NXPE4: variants seen among roughly 807,000 people sequenced by gnomAD.
NXPE4 encodes the protein neurexophilin and PC-esterase domain family member 4.
A neutral mutation model predicts 33.3 loss-of-function variants in NXPE4; 42 were observed. The observed-to-expected ratio is 1.26, with a 90% CI of 0.98 to 1.63. The LOEUF is 1.63. Among genes scored for constraint, NXPE4 ranks in the 40% most tolerant of loss-of-function variants. The probability of loss-of-function intolerance (pLI) is 0.00; values close to 1 mark genes in which losing one functional copy is unlikely to be tolerated. For missense variants in NXPE4, 709 were observed against 647.6 expected (o/e 1.09, Z -1.03); for synonymous variants, 253 against 234.9 (o/e 1.08, Z -0.71).
the NXPE4 span, among the ~76,000 whole-genome samples, chr11:114,635,043 A>G: frequency 1.3e-5 from 2 of 151,940 alleles, no homozygotes; most frequent in Admixed American, 6.6e-5. Flanking sequence ...GAGTCTATAA[A>G]TTACCTTGGG....
At chr11:114,575,310 A>G (rs1038256581) in intron 5 of NXPE4, among the ~76,000 whole-genome samples, 1 of 151,978 alleles carries the variant, frequency 6.6e-6, no homozygotes, top group East Asian at 1.9e-4. Flanking sequence ...CTCACCACCT[A>G]TCTTCAACAT....
intron 2 of NXPE4, chr11:114,583,373 T>G (rs1949202311): frequency 1.6e-6 from 1 of 623,188 alleles, no homozygotes; most frequent in Non-Finnish European, 3.1e-6. Context: ...GACTCATAAT[T>G]TGCTGCTCAA....
the NXPE4 span, among the ~76,000 whole-genome samples, chr11:114,648,956 T>A: frequency 3.5e-4 from 50 of 141,312 alleles, no homozygotes; most frequent in Admixed American, 1.1e-3. Context: ...AACAAAAAAA[T>A]ATTTGCTTTT....
chr11:114,659,928 AAGAG>A, the NXPE4 span, among the ~76,000 whole-genome samples: 22 of 152,106 alleles, frequency 1.4e-4, no homozygotes, highest in Non-Finnish European at 1.5e-5. Flanking sequence ...GATGACTAAA[AAGAG>A]AGAAGGCACA....
the NXPE4 span, among the ~76,000 whole-genome samples, chr11:114,618,168 C>A: frequency 6.6e-6 from 1 of 151,724 alleles, no homozygotes; most frequent in Non-Finnish European, 1.5e-5. Flanking sequence ...TCGTGGGTAA[C>A]CATTGGTACC....
chr11:114,650,457 G>C, the NXPE4 span, among the ~76,000 whole-genome samples: 1 of 152,156 alleles, frequency 6.6e-6, no homozygotes, highest in Non-Finnish European at 1.5e-5. Context: ...ATTTGGTGCA[G>C]GCATGAAGGA....
At chr11:114,620,392 C>G in the NXPE4 span, among the ~76,000 whole-genome samples, 1 of 151,984 alleles carries the variant, frequency 6.6e-6, no homozygotes, top group Non-Finnish European at 1.5e-5. Flanking sequence ...TGGGTAACCA[C>G]TGTTACCCAT....
Position 114,594,732 on chromosome 11 carries a change from A to T in NXPE4, c.28T>A (p.Ser10Thr). 9 of 1,589,074 alleles carry T rather than the reference A, an allele frequency of 5.7e-6. No homozygotes were observed. Among genetic ancestry groups the T allele is most frequent in the Non-Finnish European group, 7.7e-6 (9 of 1,161,310 alleles). Residue 10 changes from serine (S) to threonine (T), a missense_variant, in exon 2 of 6, where the codon TCA becomes ACA. Ser to Thr is a moderately conservative substitution (Grantham distance 58, BLOSUM62 1). Transcript: ENST00000375478. MKISMINYK[S>T]LLALLFILAS... Reference sequence around the variant, plus strand: ...AATATAAACAACAGTGCCAATAGTGACTTATAATTTATCATACTTATTTTC... The same window carrying T: ...AATATAAACAACAGTGCCAATAGTGTCTTATAATTTATCATACTTATTTTC...
the NXPE4 span, among the ~76,000 whole-genome samples, chr11:114,659,788 C>T: frequency 1.3e-5 from 2 of 151,848 alleles, no homozygotes; most frequent in African/African-American, 4.8e-5. Context: ...ACAAATTAAA[C>T]CCAAAGTAAG....
the NXPE4 span, among the ~76,000 whole-genome samples, chr11:114,633,132 T>G: frequency 8.0e-6 from 1 of 124,468 alleles, no homozygotes; most frequent in Non-Finnish European, 1.6e-5. Flanking sequence ...AATTTATATT[T>G]CATATATTAT....
At chr11:114,633,401 T>C in the NXPE4 span, among the ~76,000 whole-genome samples, 1 of 145,496 alleles carries the variant, frequency 6.9e-6, no homozygotes, top group East Asian at 2.0e-4. Context: ...TATTATATAT[T>C]ATATTTTATT....
chr11:114,611,471 G>GTAACCACTGTTACCCTGTGGA, the NXPE4 span, among the ~76,000 whole-genome samples: 1 of 151,872 alleles, frequency 6.6e-6, no homozygotes, highest in Admixed American at 6.6e-5. Context: ...TGCCTCGTGG[G>GTAACCACTGTTACCCTGTGGA]TAACCACTGT....
At chr11:114,675,957 C>G in the NXPE4 span, among the ~76,000 whole-genome samples, 1 of 151,818 alleles carries the variant, frequency 6.6e-6, no homozygotes, top group African/African-American at 2.4e-5. Context: ...TGTTTACAGT[C>G]AACTGATTTT....
At chr11:114,585,676 A>G (rs1030063546) in intron 2 of NXPE4, among the ~76,000 whole-genome samples, 2 of 152,170 alleles carry the variant, frequency 1.3e-5, no homozygotes, top group African/African-American at 4.8e-5. Flanking sequence ...AACAGGAACT[A>G]GAAAGAAATT....
chr11:114,650,089 T>C, the NXPE4 span, among the ~76,000 whole-genome samples: 2 of 152,146 alleles, frequency 1.3e-5, no homozygotes, highest in African/African-American at 4.8e-5. Flanking sequence ...AAAATCCAGG[T>C]AATATACAAA....
the NXPE4 span, among the ~76,000 whole-genome samples, chr11:114,602,077 A>C: frequency 1.0e-5 from 1 of 97,148 alleles, no homozygotes; most frequent in African/African-American, 4.3e-5. Context: ...TATATATTCT[A>C]TATTTTATTA....
chr11:114,608,806 G>C, the NXPE4 span, among the ~76,000 whole-genome samples: 1 of 151,804 alleles, frequency 6.6e-6, no homozygotes, highest in Non-Finnish European at 1.5e-5. Context: ...AATAAGTGTT[G>C]CCTCGTGGGT....
chr11:114,588,605 C>A (rs1038274010), intron 2 of NXPE4, among the ~76,000 whole-genome samples: 6 of 152,100 alleles, frequency 3.9e-5, no homozygotes, highest in Non-Finnish European at 7.4e-5. Context: ...CGAAGAGAGG[C>A]ACTACCTCTT....
Position 114,572,714 on chromosome 11 carries a change from T to C in NXPE4, c.1100-1241A>G, listed in dbSNP as rs77727875. Among the ~76,000 whole-genome samples the C allele has an allele frequency of 9.3e-3, 1,419 of 152,050 alleles. 13 individuals are homozygous for C. The highest frequency in any genetic ancestry group is 0.016 in the Non-Finnish European group (1,075 of 67,930). On this transcript the variant is annotated intron_variant, in intron 5 of 5. Transcript: ENST00000375478. ...AAAGCCACCAAGAAGTTTGGGAGTA[T>C]GCTAAATGCCCCAACCTAAGAATAA...
Sources: gnomAD v4.1 joint callset for allele counts (sites outside exome capture counted in the v4.1 genomes callset) on GRCh38, gnomAD v4.1.1 for gene constraint, MANE v1.5 for transcripts, NCBI Gene and HGNC (gene_info 2026-07-23, HGNC 2026-07-21) for gene names.